TUBGCP4: variants seen among roughly 807,000 people sequenced by gnomAD.
The protein encoded by TUBGCP4 is tubulin gamma complex component 4.
A neutral mutation model predicts 91.6 loss-of-function variants in TUBGCP4; 54 were observed. The observed-to-expected ratio is 0.59, with a 90% CI of 0.47 to 0.74. The LOEUF (loss-of-function observed/expected upper bound fraction) is 0.74. Ranked by LOEUF, TUBGCP4 falls within the 30% of genes least tolerant of loss-of-function variation. The pLI is 0.00. For synonymous variants in TUBGCP4, 297 were observed against 302.8 expected (o/e 0.98, Z 0.20); for missense variants, 593 against 800.9 (o/e 0.74, Z 3.13).
intron 16 of TUBGCP4, 40 bp downstream of exon 16, chr15:43,403,839 A>G (rs2044762051): frequency 6.6e-7 from 1 of 1,508,902 alleles, no homozygotes; most frequent in African/African-American, 1.4e-5. Context: ...CCGAAAGGAC[A>G]GAGGTGGTTT....
At chr15:43,382,664 C>T (rs905232264) in intron 6 of TUBGCP4, among the ~76,000 whole-genome samples, 3 of 152,212 alleles carry the variant, frequency 2.0e-5, no homozygotes, top group African/African-American at 4.8e-5. Flanking sequence ...TTTATCCCAT[C>T]ACGGATGTTA....
At chr15:43,392,324 A>T (rs1401507251) in intron 9 of TUBGCP4, among the ~76,000 whole-genome samples, 4 of 150,656 alleles carry the variant, frequency 2.7e-5, no homozygotes, top group African/African-American at 1.0e-4. Flanking sequence ...TAGTGTTTTC[A>T]TTATATTCTA....
At chr15:43,404,939 TA>T (rs1417001479) in intron 17 of TUBGCP4, 5 of 528,184 alleles carry the variant, frequency 9.5e-6, no homozygotes, top group South Asian at 5.1e-5. Flanking sequence ...CTCTAAACTT[TA>T]AAAAAAACTG....
intron 9 of TUBGCP4, among the ~76,000 whole-genome samples, chr15:43,393,603 C>G (rs145369785): frequency 2.6e-5 from 4 of 152,152 alleles, no homozygotes; most frequent in East Asian, 3.9e-4. Context: ...CCGGTCCCCC[C>G]ACCCTACAAC....
chr15:43,376,090 T>C lies in TUBGCP4; in HGVS notation c.79-8T>C. The C allele has an allele frequency of 1.2e-6, 2 of 1,613,324 alleles. No homozygotes were observed. The highest frequency in any genetic ancestry group is 1.7e-6 in the Non-Finnish European group (2 of 1,179,308). ...GCGGTGTTTTCGGCAGTGTTCCTCTTCCTGCAGGTATCGCAGGACTTCCCT... is the reference window on the plus strand; with the variant it reads ...GCGGTGTTTTCGGCAGTGTTCCTCTCCCTGCAGGTATCGCAGGACTTCCCT... On this transcript the variant is annotated splice_polypyrimidine_tract_variant and splice_region_variant and intron_variant, in intron 1 of 17. Transcript: ENST00000564079.
intron 5 of TUBGCP4, 26 bp from the exon 6 acceptor site, chr15:43,380,058 G>A (rs768007704): frequency 1.9e-6 from 3 of 1,612,034 alleles, no homozygotes; most frequent in Admixed American, 3.3e-5. Flanking sequence ...ATGGAATCCA[G>A]TTTGACAAGG....
chr15:43,409,122 G>T lies in TUBGCP4; in HGVS notation c.*3908G>T. The T allele has an allele frequency of 6.2e-7, 1 of 1,610,482 alleles. No individual in the cohort carries two copies. The highest frequency in any genetic ancestry group is 8.5e-7 in the Non-Finnish European group (1 of 1,177,110). ...CTGCAAGAAAAGAAGCAGAGCCAAT[G>T]GGTTTGGTGACTTCTGTGGAAAGCT... is the stretch of plus-strand genomic sequence containing the variant. On this transcript the variant is annotated 3_prime_UTR_variant, in exon 18 of 18. Transcript: ENST00000564079.
chr15:43,405,070 C>A, intron 17 of TUBGCP4, 132 bp from the exon 18 acceptor site: 1 of 1,000,684 alleles, frequency 1.0e-6, no homozygotes, highest in Non-Finnish European at 1.5e-6. Flanking sequence ...GCTATTGTAG[C>A]AGAAGAGTCA....
At position 43,407,510 on chromosome 15, in the gene TUBGCP4, A is replaced by C. The variant is rs768085656; in HGVS notation, c.*2296A>C. 4 of 1,614,136 alleles carry C rather than the reference A, an allele frequency of 2.5e-6. No individual in the cohort carries two copies. In the Admixed American group the frequency reaches 6.7e-5, roughly 27 times the overall value. ...CAGCTGCAATGCTTCAGCACACTTC[A>C]GCACCGAGGCTGGGCATGAGGGGTC... is the stretch of plus-strand genomic sequence containing the variant. On this transcript the variant is annotated 3_prime_UTR_variant, in exon 18 of 18. Coordinates refer to ENST00000564079, the MANE Select transcript of TUBGCP4 (RefSeq NM_014444.5).
intron 1 of TUBGCP4, 23 bp from the exon 2 acceptor site, chr15:43,376,075 C>T (rs747138749): frequency 3.5e-5 from 56 of 1,608,378 alleles, no homozygotes; most frequent in South Asian, 7.7e-5. Flanking sequence ...GCGGTGTTTT[C>T]GGCAGTGTTC....
intron 9 of TUBGCP4, among the ~76,000 whole-genome samples, chr15:43,390,991 T>C (rs568261962): frequency 6.7e-6 from 1 of 148,902 alleles, no homozygotes; most frequent in East Asian, 2.0e-4. Context: ...AATTCTTTTC[T>C]TTTTTTTTTC....
rs537440753 is a variant in TUBGCP4, at chr15:43,380,250, C to T, written c.521+87C>T. ...CACATGTTTTATTTTCAGGTCATTTCAGGTTTCCCTCTTGGGAAGGTTATA... is the reference window on the plus strand; with the variant it reads ...CACATGTTTTATTTTCAGGTCATTTTAGGTTTCCCTCTTGGGAAGGTTATA... On this transcript the variant is annotated intron_variant, in intron 6 of 17. Coordinates refer to ENST00000564079, the MANE Select transcript of TUBGCP4 (RefSeq NM_014444.5). 6.0e-5 allele frequency: 74 copies of T among 1,231,564 alleles called. No individual in the cohort carries two copies. In the African/African-American group the frequency reaches 1.1e-3, roughly 18 times the overall value. The allele number at this position is 1,231,564 out of a possible 1,614,324, so 76.3% of individuals were successfully genotyped here.
chr15:43,391,209 T>C (rs1286697206), intron 9 of TUBGCP4, among the ~76,000 whole-genome samples: 1 of 151,992 alleles, frequency 6.6e-6, no homozygotes, highest in African/African-American at 2.4e-5. Context: ...ATTTTCTTTT[T>C]TTCCCCCAGA....
chr15:43,378,045 T>G, intron 5 of TUBGCP4, 142 bp downstream of exon 5: 1 of 625,978 alleles, frequency 1.6e-6, no homozygotes, highest in Non-Finnish European at 2.6e-6. Flanking sequence ...TGCTTGGTTA[T>G]CATGTTAAGT....
chr15:43,375,769 C>T (rs1222290534), intron 1 of TUBGCP4, among the ~76,000 whole-genome samples: 3 of 152,152 alleles, frequency 2.0e-5, no homozygotes. Context: ...GTCAAAACCC[C>T]CATATCCTTA....
At chr15:43,380,491 A>G (rs540551127) in intron 6 of TUBGCP4, among the ~76,000 whole-genome samples, 1 of 152,348 alleles carries the variant, frequency 6.6e-6, no homozygotes, top group South Asian at 2.1e-4. Context: ...AAACATGTGT[A>G]TTTGAGTAGC....
chr15:43,397,960 T>C, intron 12 of TUBGCP4, 81 bp from the exon 13 acceptor site: 1 of 1,416,330 alleles, frequency 7.1e-7, no homozygotes, highest in Non-Finnish European at 9.6e-7. Context: ...GTTTCATTAA[T>C]GTTATTCACT....
In TUBGCP4 at chr15:43,406,440, G is replaced by A. The variant is rs2044882085; in HGVS notation, c.*1226G>A. 1 of 349,930 alleles carries A rather than the reference G, an allele frequency of 2.9e-6. No individual in the cohort carries two copies. Among genetic ancestry groups the A allele is most frequent in the Admixed American group, 3.5e-5 (1 of 28,876 alleles). The allele number at this position is 349,930 out of a possible 1,614,324, so 21.7% of individuals were successfully genotyped here. On this transcript the variant is annotated 3_prime_UTR_variant, in exon 18 of 18. Transcript: ENST00000564079. ...CTGGAGCAGGAGCTGGCAAACTATGGCCTGCTGTCTGTTTTTGTACAGTTT... is the reference window on the plus strand; with the variant it reads ...CTGGAGCAGGAGCTGGCAAACTATGACCTGCTGTCTGTTTTTGTACAGTTT...
Position 43,398,125 on chromosome 15 carries a change from C to G in TUBGCP4, c.1364C>G (p.Ser455Cys), listed in dbSNP as rs775111049. 3 of 1,614,158 alleles carry G rather than the reference C, an allele frequency of 1.9e-6. No individual in the cohort carries two copies. Among genetic ancestry groups the G allele is most frequent in the African/African-American group, 2.7e-5 (2 of 75,046 alleles). The change falls in exon 13 of 18, where the codon TCC (serine) becomes TGC (cysteine). Residue 455 changes from serine (S) to cysteine (C), a missense_variant. Transcript: ENST00000564079. ...PASGWAALGL[S>C]YKVQWPLHIL... ...TCTGGCTGGGCAGCCCTAGGTCTTT[C>G]CTACAAAGTACAGTGGCCACTACAT...
Sources: gnomAD v4.1 joint callset for allele counts (sites outside exome capture counted in the v4.1 genomes callset) on GRCh38, gnomAD v4.1.1 for gene constraint, MANE v1.5 for transcripts, NCBI Gene and HGNC (gene_info 2026-07-23, HGNC 2026-07-21) for gene names.